The following CCDC88B variants were observed in gnomAD, a reference collection of about 807,000 sequenced individuals.
The protein encoded by CCDC88B is coiled-coil domain-containing protein 88B.
In CCDC88B, 138 loss-of-function variants were observed where a neutral mutation model predicts 183.7. The ratio of observed to expected loss-of-function variants is 0.75; its 90% CI spans 0.65 to 0.87. The LOEUF is 0.87. Among genes scored for constraint, CCDC88B ranks in the 40% least tolerant of loss-of-function variants. CCDC88B has a pLI of 0.00. For missense variants in CCDC88B, 1,822 were observed against 1,965.6 expected, an observed-to-expected ratio of 0.93 and a Z score of 1.38; for synonymous variants, 835 against 867.5, an observed-to-expected ratio of 0.96 and a Z score of 0.66.
At position 64,345,047 on chromosome 11, in the gene CCDC88B, C is replaced by A; in HGVS notation, c.2506C>A (p.Arg836=). ...RQWEREGSRL[R]AQSEAAEERM... is the part of the protein sequence containing the mutation. ...GTGGGAGCGTGAGGGGTCCAGGCTG[C>A]GGGCCCAGTCGGAGGCCGCCGAGGA... The change falls in exon 14 of 27, where the codon CGG becomes AGG. Residue 836 remains arginine (R), a synonymous_variant. Coordinates refer to ENST00000356786, the MANE Select transcript of CCDC88B (RefSeq NM_032251.6). 1 of 1,548,246 alleles carries A rather than the reference C, an allele frequency of 6.5e-7. No individual in the cohort carries two copies. The highest frequency in any genetic ancestry group is 8.7e-7 in the Non-Finnish European group (1 of 1,149,086).
At chr11:64,343,077 AG>A (rs1565395801) in intron 10 of CCDC88B, 101 bp from the exon 11 acceptor site, 13 of 1,305,986 alleles carry the variant, frequency 1.0e-5, no homozygotes, top group Non-Finnish European at 1.3e-5. Context: ...TGGGGGAGGG[AG>A]GCAGGGTCTG....
intron 14 of CCDC88B, among the ~76,000 whole-genome samples, chr11:64,346,759 G>A (rs1300349362): frequency 6.7e-6 from 1 of 149,106 alleles, no homozygotes; most frequent in African/African-American, 2.5e-5. Flanking sequence ...ATTTTTAGTA[G>A]AGATGGGGTT....
Position 64,340,925 on chromosome 11 carries a change from G to A in CCDC88B, c.225G>A (p.Gly75=), listed in dbSNP as rs1255866552. 3.2e-6 allele frequency: 5 copies of A among 1,562,992 alleles called. No homozygotes were observed. Among genetic ancestry groups the A allele is most frequent in the Non-Finnish European group, 4.3e-6 (5 of 1,153,664 alleles). The part of the protein sequence containing the change: ...VLGIIAPSSR[G]GPRMLRGLDG... ...CTCATAGTGCCCCCAGCTCCCGAGG[G>A]GGACCTCGGATGCTCAGAGGCCTTG... Residue 75 remains glycine, a synonymous_variant, in exon 3 of 27, where the codon GGG becomes GGA. Transcript: ENST00000356786.
Position 64,344,978 on chromosome 11 carries a change from G to T in CCDC88B, c.2437G>T (p.Ala813Ser). Residue 813 changes from alanine to serine, a missense_variant, in exon 14 of 27, where the codon GCG (alanine) becomes TCG (serine). By Grantham distance (99) the Ala-to-Ser change is moderately conservative. Transcript: ENST00000356786. The surrounding 1 kb of genome is among the most constrained non-coding windows in gnomAD (Gnocchi z 4.5). Reference protein sequence around the residue: ...ELESASQEREALVEALAAAGR... With the variant: ...ELESASQERESLVEALAAAGR... ...GGAGTCTGCGTCCCAGGAACGGGAG[G>T]CGCTGGTGGAGGCGCTGGCAGCAGC... 1 of 1,548,952 alleles carries T rather than the reference G, an allele frequency of 6.5e-7. No individual in the cohort carries two copies. Among genetic ancestry groups the T allele is most frequent in the Non-Finnish European group, 8.7e-7 (1 of 1,148,168 alleles).
rs553055480 is a variant in CCDC88B at position 64,344,269 on chromosome 11, G to T, written c.1728G>T (p.Pro576=). Residue 576 remains proline (P), a synonymous_variant, in exon 14 of 27, where the codon CCG becomes CCT. Coordinates refer to ENST00000356786, the MANE Select transcript of CCDC88B (RefSeq NM_032251.6). This position sits in a 1 kb window ranked among gnomAD's most constrained non-coding sequence, Gnocchi z 4.5. ...AMDPQASDWS[P]QESGSPVETQ... ...ACCCCCAGGCCTCAGACTGGTCCCC[G>T]CAAGAGTCAGGCTCTCCTGTGGAGA... 4 of 1,613,758 alleles carry T rather than the reference G, an allele frequency of 2.5e-6. No homozygotes were observed. Among genetic ancestry groups the T allele is most frequent in the Non-Finnish European group, 3.4e-6 (4 of 1,179,986 alleles).
chr11:64,356,803 A>C (rs1431757837), intron 26 of CCDC88B: 2 of 520,806 alleles, frequency 3.8e-6, no homozygotes, highest in Non-Finnish European at 6.8e-6. Flanking sequence ...GGTGGGCCTC[A>C]GAGAGGATGT....
In CCDC88B at chr11:64,343,522, C is replaced by T. The variant is rs141405442; in HGVS notation, c.1225C>T (p.Arg409Trp). 29 of 1,551,670 alleles carry T rather than the reference C, an allele frequency of 1.9e-5. No individual in the cohort carries two copies. The highest frequency in any genetic ancestry group is 5.5e-5 in the African/African-American group (4 of 73,028). Residue 409 changes from arginine to tryptophan, a missense_variant, in exon 12 of 27, where the codon CGG becomes TGG. Arg to Trp is a moderately radical substitution (Grantham distance 101). Transcript: ENST00000356786. Reference sequence around the variant, plus strand: ...TCACCCCCAGGAGCTGGACTCTCTGCGGCATCAGGTGGACCAGCTGGCTGA... The same window carrying T: ...TCACCCCCAGGAGCTGGACTCTCTGTGGCATCAGGTGGACCAGCTGGCTGA... ...GEAHAELDSL[R>W]HQVDQLAEEN...
At position 64,343,304 on chromosome 11, in the gene CCDC88B, C is replaced by T. The variant is rs776570567; in HGVS notation, c.1188C>T (p.Thr396=). 77 of 1,550,402 alleles carry T rather than the reference C, an allele frequency of 5.0e-5. No homozygotes were observed. The highest frequency in any genetic ancestry group is 1.7e-4 in the Middle Eastern group (1 of 5,986). The part of the protein sequence containing the change: ...ETQRENLLLR[T]RLGEAHAELD... ...AGCGCGAGAACCTGCTGCTGCGAAC[C>T]CGGCTGGGCGAGGCCCATGCGGTAA... The change falls in exon 11 of 27, where the codon ACC becomes ACT. Residue 396 remains threonine, a synonymous_variant. Coordinates refer to ENST00000356786, the MANE Select transcript of CCDC88B (RefSeq NM_032251.6).
At chr11:64,341,964 T>G (rs763534779) in intron 7 of CCDC88B, 30 bp from the exon 8 acceptor site, 2 of 1,610,788 alleles carry the variant, frequency 1.2e-6, no homozygotes. Context: ...TTGGATAAGT[T>G]AGTCCTGACC....
intron 10 of CCDC88B, 45 bp downstream of exon 10, chr11:64,342,725 C>G: frequency 7.0e-7 from 1 of 1,435,972 alleles, no homozygotes. Context: ...CGCGAGGGGG[C>G]GGGCCAGGAG....
intron 23 of CCDC88B, 78 bp from the exon 24 acceptor site, chr11:64,353,926 C>A: frequency 1.9e-6 from 3 of 1,563,314 alleles, no homozygotes; most frequent in Admixed American, 1.7e-5. Flanking sequence ...GTCAACCTGG[C>A]CTTTGACATC....
intron 7 of CCDC88B, 117 bp downstream of exon 7, chr11:64,341,859 C>CGA: frequency 8.1e-6 from 6 of 743,880 alleles, no homozygotes; most frequent in Non-Finnish European, 9.2e-6. Flanking sequence ...GGTCTGAGGT[C>CGA]TTGGGCCATC....
rs1023822159 is a variant in CCDC88B, at chr11:64,353,220, C to T, written c.3667C>T (p.Arg1223Trp). The T allele has an allele frequency of 1.3e-5, 20 of 1,564,472 alleles. No homozygotes were observed. The highest frequency in any genetic ancestry group is 2.3e-5 in the South Asian group (2 of 85,184). ...SNQQLDLSAC[R>W]LTTQCELLTQ... is the part of the protein sequence containing the mutation. ...CCAGCAGCTGGACCTGAGCGCCTGC[C>T]GGCTGACCACGCAGTGTGAGGTGTG... Residue 1223 changes from arginine to tryptophan, a missense_variant, in exon 21 of 27, where the codon CGG (arginine) becomes TGG (tryptophan). Arg to Trp is a moderately radical substitution (Grantham distance 101). Transcript: ENST00000356786.
rs767428226 is a variant in CCDC88B, at chr11:64,341,135, G to C, written c.345G>C (p.Ser115=). 1 of 1,614,028 alleles carries C rather than the reference G, an allele frequency of 6.2e-7. No homozygotes were observed. Among genetic ancestry groups the C allele is most frequent in the Non-Finnish European group, 8.5e-7 (1 of 1,179,992 alleles). ...YQEELQLLIL[S]PPPDLQTLGF... ...AGGAGCTGCAGCTGCTGATCCTGTCGCCACCCCCAGACCTCCAGACATTGG... is the reference window on the plus strand; with the variant it reads ...AGGAGCTGCAGCTGCTGATCCTGTCCCCACCCCCAGACCTCCAGACATTGG... The change falls in exon 4 of 27, where the codon TCG becomes TCC. Residue 115 remains serine, a synonymous_variant. Coordinates refer to ENST00000356786, the MANE Select transcript of CCDC88B (RefSeq NM_032251.6).
intron 5 of CCDC88B, 27 bp downstream of exon 5, chr11:64,341,355 T>G (rs556044699): frequency 1.9e-6 from 3 of 1,614,016 alleles, no homozygotes; most frequent in Admixed American, 1.7e-5. Flanking sequence ...AAGGAAAGGT[T>G]AGGGTCGAGC....
Position 64,352,814 on chromosome 11 carries a change from C to T in CCDC88B, c.3427C>T (p.Arg1143Cys), listed in dbSNP as rs1275621094. ...QEVALLAERERLMQDGHRQRG... is the reference protein window; with the variant it reads ...QEVALLAERECLMQDGHRQRG... ...GGTGGCCCTGCTGGCAGAGCGTGAA[C>T]GCCTGATGCAAGATGGGCATCGGCA... is the stretch of plus-strand genomic sequence containing the variant. The change falls in exon 20 of 27, where the codon CGC becomes TGC. Residue 1143 changes from arginine (R) to cysteine (C), a missense_variant. Arg to Cys is a radical substitution (Grantham distance 180). Transcript: ENST00000356786. The T allele has an allele frequency of 8.1e-6, 13 of 1,613,058 alleles. No individual in the cohort carries two copies. Among genetic ancestry groups the T allele is most frequent in the South Asian group, 1.1e-5 (1 of 91,062 alleles).
intron 16 of CCDC88B, chr11:64,349,917 C>G: frequency 3.6e-6 from 2 of 556,940 alleles, no homozygotes; most frequent in East Asian, 5.9e-5. Flanking sequence ...GACTGCTCCG[C>G]CTGTCTCACC....
intron 16 of CCDC88B, chr11:64,350,007 C>T (rs953154852): frequency 1.0e-5 from 3 of 297,052 alleles, no homozygotes; most frequent in South Asian, 8.9e-5. Flanking sequence ...AGGCTGTGTG[C>T]GGGCTCCACA....
rs1272655093 is a variant in CCDC88B at position 64,344,722 on chromosome 11, G to A, written c.2181G>A (p.Gln727=). 2 of 1,614,008 alleles carry A rather than the reference G, an allele frequency of 1.2e-6. No homozygotes were observed. Among genetic ancestry groups the A allele is most frequent in the Non-Finnish European group, 1.7e-6 (2 of 1,180,014 alleles). Residue 727 remains glutamine (Q), a synonymous_variant, in exon 14 of 27, where the codon CAG becomes CAA. Coordinates refer to ENST00000356786, the MANE Select transcript of CCDC88B (RefSeq NM_032251.6). The surrounding 1 kb of genome is among the most constrained non-coding windows in gnomAD (Gnocchi z 4.5). ...GESLASGVAE[Q]EALREEVAQL... ...GCCTGGCCAGTGGTGTCGCAGAGCA[G>A]GAGGCCCTCAGGGAGGAGGTGGCAC...
Sources: allele counts gnomAD v4.1 joint callset (sites outside exome capture counted in the v4.1 genomes callset), GRCh38; gene constraint gnomAD v4.1.1; non-coding constraint Gnocchi (gnomAD v3.1); transcripts MANE v1.5; gene names NCBI Gene and HGNC (gene_info 2026-07-23, HGNC 2026-07-21).